Variants in HLCS observed in about 807,000 individuals in gnomAD.
HLCS encodes the protein biotin--protein ligase.
A neutral mutation model predicts 75.0 loss-of-function variants in HLCS; 53 were observed. That is an observed-to-expected ratio of 0.71 (90% confidence interval 0.57 to 0.89). The LOEUF (loss-of-function observed/expected upper bound fraction) is 0.89, where lower values mean the gene tolerates loss of function less well. Among genes scored for constraint, HLCS ranks in the 40% least tolerant of loss-of-function variants. The pLI, the probability that HLCS is intolerant of heterozygous loss-of-function variation, is 0.00. For missense variants in HLCS, 966 were observed against 1,074.0 expected (o/e 0.90, Z 1.41); for synonymous variants, 431 against 428.6 (o/e 1.01, Z -0.07).
intron 6 of HLCS, among the ~76,000 whole-genome samples, chr21:36,888,519 T>C (rs1191125493): frequency 1.4e-5 from 2 of 141,644 alleles, no homozygotes; most frequent in Non-Finnish European, 3.0e-5. Flanking sequence ...TTTTATGGGA[T>C]TGTGTTTCCT....
intron 6 of HLCS, among the ~76,000 whole-genome samples, chr21:36,795,013 T>A (rs760633074): frequency 4.0e-5 from 6 of 151,318 alleles, no homozygotes; most frequent in Non-Finnish European, 7.4e-5. Flanking sequence ...GAGGGAGAGG[T>A]CTGGGCTAGG....
At chr21:36,912,468 GA>G (rs1025275988) in intron 5 of HLCS, among the ~76,000 whole-genome samples, 2 of 152,120 alleles carry the variant, frequency 1.3e-5, no homozygotes, top group Non-Finnish European at 2.9e-5. Context: ...AAGTAGAACA[GA>G]GGTTACCAGG....
At chr21:36,853,680 A>G (rs1348914984) in intron 6 of HLCS, among the ~76,000 whole-genome samples, 1 of 152,234 alleles carries the variant, frequency 6.6e-6, no homozygotes, top group Non-Finnish European at 1.5e-5. Context: ...AATAAAGTGA[A>G]TAACTCTAAT....
At position 36,899,968 on chromosome 21, in the gene HLCS, C is replaced by G. The variant is rs957264156; in HGVS notation, c.1621-2837G>C. 2.6e-5 allele frequency among the ~76,000 whole-genome samples: 4 copies of G among 151,630 alleles called. No individual in the cohort carries two copies. The East Asian group carries it at 7.8e-4, about 30-fold the overall frequency. On this transcript the variant is annotated intron_variant, in intron 5 of 10. Transcript: ENST00000674895. ...AAAATACAAAAAATTAGCCATGCAT[C>G]GTGGTGGGTGCCTGTAATCCCGGCT... is the stretch of plus-strand genomic sequence containing the variant.
intron 5 of HLCS, among the ~76,000 whole-genome samples, chr21:36,923,449 G>C (rs1432586724): frequency 6.6e-6 from 1 of 152,202 alleles, no homozygotes; most frequent in Non-Finnish European, 1.5e-5. Flanking sequence ...AAGAAGGAAA[G>C]TGCTGAGCGG....
intron 6 of HLCS, among the ~76,000 whole-genome samples, chr21:36,833,438 A>T (rs2062285683): frequency 6.6e-6 from 1 of 151,796 alleles, no homozygotes; most frequent in African/African-American, 2.4e-5. Context: ...TACAAAAATA[A>T]GCCAGATGTA....
At chr21:36,859,405 G>T (rs1205191111) in intron 6 of HLCS, among the ~76,000 whole-genome samples, 1 of 152,130 alleles carries the variant, frequency 6.6e-6, no homozygotes, top group African/African-American at 2.4e-5. Flanking sequence ...CTCACAAATG[G>T]TTTCTAAGCT....
At chr21:36,764,526 AAACCCCATCT>A (rs1403031957) in intron 8 of HLCS, among the ~76,000 whole-genome samples, 1 of 152,058 alleles carries the variant, frequency 6.6e-6, no homozygotes, top group Non-Finnish European at 1.5e-5. Flanking sequence ...CCACATGGTG[AAACCCCATCT>A]CTACTAAAAA....
chr21:36,790,558 G>A (rs530093770), intron 6 of HLCS, among the ~76,000 whole-genome samples: 39 of 152,340 alleles, frequency 2.6e-4, no homozygotes, highest in African/African-American at 8.7e-4. Context: ...ATTGAAGACA[G>A]GAAACAACCA....
intron 6 of HLCS, among the ~76,000 whole-genome samples, chr21:36,834,806 G>A (rs1255531992): frequency 2.0e-5 from 3 of 152,232 alleles, no homozygotes; most frequent in East Asian, 1.9e-4. Context: ...CGCCTGCCTC[G>A]GCCTCCCATA....
chr21:36,887,055 C>T (rs1442049353), intron 6 of HLCS, among the ~76,000 whole-genome samples: 9 of 151,854 alleles, frequency 5.9e-5, no homozygotes, highest in African/African-American at 2.2e-4. Context: ...GCTTGATCCC[C>T]GGAGACAGAG....
At chr21:36,959,432 G>T (rs2068156945) in intron 2 of HLCS, among the ~76,000 whole-genome samples, 1 of 152,190 alleles carries the variant, frequency 6.6e-6, no homozygotes, top group African/African-American at 2.4e-5. Context: ...CAAACAGCCT[G>T]GGCACCTTGG....
chr21:36,763,909 GC>G (rs1361878328), intron 8 of HLCS, among the ~76,000 whole-genome samples: 9 of 152,192 alleles, frequency 5.9e-5, no homozygotes, highest in Non-Finnish European at 1.3e-4. Flanking sequence ...GGGGAAGATG[GC>G]CCCAAGTGGA....
At chr21:36,785,582 G>T (rs926346053) in intron 6 of HLCS, among the ~76,000 whole-genome samples, 3 of 152,244 alleles carry the variant, frequency 2.0e-5, no homozygotes, top group Admixed American at 6.5e-5. Context: ...TAGTTTGATC[G>T]TTTATTCTCA....
chr21:36,965,590 G>A (rs1214417705), intron 1 of HLCS, among the ~76,000 whole-genome samples: 2 of 152,204 alleles, frequency 1.3e-5, no homozygotes, highest in South Asian at 4.1e-4. Flanking sequence ...TTTAAAAGAC[G>A]CAAAGACCAT....
intron 2 of HLCS, chr21:36,945,859 G>C (rs1261469809): frequency 6.6e-6 from 1 of 152,252 alleles, no homozygotes; most frequent in Non-Finnish European, 1.5e-5. Flanking sequence ...CAGTTTGTTT[G>C]TCTCTACACT....
chr21:36,939,159 T>G (rs1287632653), intron 2 of HLCS, among the ~76,000 whole-genome samples, 165 bp from the exon 3 acceptor site: 3 of 152,252 alleles, frequency 2.0e-5, no homozygotes, highest in Non-Finnish European at 4.4e-5. Flanking sequence ...AGAGTTGTTT[T>G]GAATTCAGCA....
chr21:36,781,768 G>A lies in HLCS; in HGVS notation c.1893-14483C>T, dbSNP rs142408949. 3.8e-4 allele frequency among the ~76,000 whole-genome samples: 58 copies of A among 152,186 alleles called. No individual in the cohort carries two copies. In the East Asian group the frequency reaches 8.5e-3, roughly 22 times the overall value. ...TGCCAAACAGAGGTGGAGACAGTGG[G>A]CCTCCTTGCCATGTTTCTTAGTGTT... On this transcript the variant is annotated intron_variant, in intron 6 of 10. Transcript: ENST00000674895.
intron 9 of HLCS, among the ~76,000 whole-genome samples, chr21:36,757,776 A>T (rs1194532241): frequency 6.6e-6 from 1 of 152,234 alleles, no homozygotes; most frequent in Non-Finnish European, 1.5e-5. Context: ...TAACTACAGC[A>T]ACAGGGGCAG....
Sources: allele counts gnomAD v4.1 joint callset (sites outside exome capture counted in the v4.1 genomes callset), GRCh38; gene constraint gnomAD v4.1.1; transcripts MANE v1.5; gene names NCBI Gene and HGNC (gene_info 2026-07-23, HGNC 2026-07-21).